The following TRANK1 variants were observed in gnomAD, a reference collection of about 807,000 sequenced individuals.
TRANK1 encodes the protein tetratricopeptide repeat and ankyrin repeat containing 1.
Under a neutral mutation model 266.0 loss-of-function variants are expected in TRANK1, and 198 were observed. The ratio of observed to expected loss-of-function variants is 0.74; its 90% CI spans 0.66 to 0.84. The LOEUF (loss-of-function observed/expected upper bound fraction) is 0.84, where lower values mean the gene tolerates loss of function less well. Among genes scored for constraint, TRANK1 ranks in the 40% least tolerant of loss-of-function variants. TRANK1 has a pLI of 0.00. For synonymous variants in TRANK1, 1,396 were observed against 1,384.1 expected, an observed-to-expected ratio of 1.01 and a Z score of -0.19; for missense variants, 3,326 against 3,634.6, an observed-to-expected ratio of 0.92 and a Z score of 2.18.
intron 4 of TRANK1, 90 bp downstream of exon 4, chr3:36,899,019 G>GA: frequency 2.2e-6 from 3 of 1,375,284 alleles, no homozygotes; most frequent in Non-Finnish European, 2.9e-6. Flanking sequence ...GAAACACCCA[G>GA]AAAGTATCTC....
chr3:36,920,249 A>T (rs1265737976), intron 1 of TRANK1, among the ~76,000 whole-genome samples: 1 of 152,218 alleles, frequency 6.6e-6, no homozygotes, highest in African/African-American at 2.4e-5. Context: ...ACAGTTAATG[A>T]TATTTATAAT....
rs188400522 is a variant in TRANK1, at chr3:36,853,848, G to A, written c.4549+1325C>T. On this transcript the variant is annotated intron_variant, in intron 13 of 23. Coordinates refer to ENST00000645898, the MANE Select transcript of TRANK1 (RefSeq NM_001329998.2). ...AGAAACAGAAAGATGAGTTGTCACC[G>A]TGGAGTGGGAAGAAGGACACAATGA... Among the ~76,000 whole-genome samples the A allele has an allele frequency of 1.8e-4, 28 of 152,324 alleles. No homozygotes were observed. The East Asian group carries it at 3.5e-3, about 19-fold the overall frequency.
chr3:36,936,192 A>G (rs2080423080), intron 1 of TRANK1, among the ~76,000 whole-genome samples: 1 of 152,208 alleles, frequency 6.6e-6, no homozygotes, highest in African/African-American at 2.4e-5. Context: ...GCACGCACAA[A>G]AAAAGAAAAG....
intron 1 of TRANK1, 166 bp from the exon 2 acceptor site, chr3:36,908,620 GTGTC>G (rs777103015): frequency 7.3e-6 from 9 of 1,229,018 alleles, no homozygotes; most frequent in Non-Finnish European, 9.1e-6. Context: ...ACCAGGCAGA[GTGTC>G]TGACAAGACT....
chr3:36,940,785 C>T (rs1372825244), intron 1 of TRANK1, among the ~76,000 whole-genome samples: 2 of 152,070 alleles, frequency 1.3e-5, no homozygotes, highest in Non-Finnish European at 2.9e-5. Flanking sequence ...CAATATGGAC[C>T]CTTGGATATA....
intron 3 of TRANK1, among the ~76,000 whole-genome samples, chr3:36,900,452 T>C (rs2079858397): frequency 6.6e-6 from 1 of 152,086 alleles, no homozygotes; most frequent in African/African-American, 2.4e-5. Flanking sequence ...CAATGATCAA[T>C]AGAAGAAAAT....
intron 2 of TRANK1, among the ~76,000 whole-genome samples, chr3:36,906,476 T>G (rs996228872): frequency 6.6e-6 from 1 of 152,164 alleles, no homozygotes; most frequent in Non-Finnish European, 1.5e-5. Context: ...TACTGTTCTT[T>G]TTATGGAAAA....
At chr3:36,861,241 T>C (rs551740893) in intron 10 of TRANK1, 81 bp from the exon 11 acceptor site, 28 of 1,444,594 alleles carry the variant, frequency 1.9e-5, no homozygotes, top group Non-Finnish European at 2.3e-5. Flanking sequence ...CCAACATCCA[T>C]ATATAATTAA....
rs760897253 is a variant in TRANK1 at position 36,855,583 on chromosome 3, C to T, written c.4139G>A (p.Arg1380Gln). The T allele has an allele frequency of 3.1e-6, 5 of 1,613,642 alleles. No individual in the cohort carries two copies. Among genetic ancestry groups the T allele is most frequent in the Admixed American group, 1.7e-5 (1 of 59,978 alleles). The change falls in exon 13 of 24, where the codon CGG becomes CAG. Residue 1380 changes from arginine to glutamine, a missense_variant. Coordinates refer to ENST00000645898, the MANE Select transcript of TRANK1 (RefSeq NM_001329998.2). ...EEVYKKLGRK[R>Q]CPNFKEDRSE... ...CCGGTCTTCCTTGAAATTGGGGCAC[C>T]GTTTCCTCCCTAATTTCTTATATAC...
At position 36,889,872 on chromosome 3, in the gene TRANK1, G is replaced by A. The variant is rs966838753; in HGVS notation, c.864C>T (p.Val288=). The change falls in exon 8 of 24, where the codon GTC becomes GTT. Residue 288 remains valine, a synonymous_variant. Transcript: ENST00000645898. ...INQKDGDGCT[V]LHVVAAHSPG... ...GGGAGTGGGCAGCGACGACGTGCAGGACAGTGCAGCCATCCCCATCCTTCT... is the reference window on the plus strand; with the variant it reads ...GGGAGTGGGCAGCGACGACGTGCAGAACAGTGCAGCCATCCCCATCCTTCT... The A allele has an allele frequency of 2.6e-6, 4 of 1,537,134 alleles. No individual in the cohort carries two copies. The African/African-American group carries it at 5.5e-5, about 21-fold the overall frequency.
In TRANK1 at chr3:36,856,824, C is replaced by G; in HGVS notation, c.2898G>C (p.Leu966Phe). Residue 966 changes from leucine (L) to phenylalanine (F), a missense_variant, in exon 13 of 24, where the codon TTG (leucine) becomes TTC (phenylalanine). Transcript: ENST00000645898. ...TCAGCTTCTTCCGCAGGACACAGGA[C>G]AAGCCCCGGTTGTAGGCATTGCAGA... ...KAICNAYNRG[L>F]SCVLRKKLKG... 6.2e-7 allele frequency: 1 copy of G among 1,614,040 alleles called. No homozygotes were observed. Among genetic ancestry groups the G allele is most frequent in the Non-Finnish European group, 8.5e-7 (1 of 1,179,900 alleles).
chr3:36,831,725 C>T lies in TRANK1; in HGVS notation c.7858G>A (p.Val2620Met), dbSNP rs2078696903. 2 of 1,613,854 alleles carry T rather than the reference C, an allele frequency of 1.2e-6. No homozygotes were observed. Among genetic ancestry groups the T allele is most frequent in the Non-Finnish European group, 1.7e-6 (2 of 1,179,886 alleles). ...GCCACAGACTTCACATTGACTGCCA[C>T]CAAGACCCGCTTCACCACCTTCAGG... The part of the protein sequence containing the change: ...RLLKVVKRVL[V>M]AVNVKSVAEA... The change falls in exon 22 of 24, where the codon GTG (valine) becomes ATG (methionine). Residue 2620 changes from valine (V) to methionine (M), a missense_variant. Val to Met is a conservative substitution (Grantham distance 21). Transcript: ENST00000645898. The surrounding 1 kb of genome is among the most constrained non-coding windows in gnomAD (Gnocchi z 5.0).
intron 4 of TRANK1, among the ~76,000 whole-genome samples, chr3:36,897,259 T>C (rs1423148792): frequency 1.3e-5 from 2 of 151,978 alleles, no homozygotes; most frequent in African/African-American, 2.4e-5. Flanking sequence ...GAGCCTAGAT[T>C]GCGCCACTGC....
chr3:36,846,027 C>T (rs942163133), intron 17 of TRANK1, among the ~76,000 whole-genome samples: 2 of 152,164 alleles, frequency 1.3e-5, no homozygotes, highest in Non-Finnish European at 1.5e-5. Flanking sequence ...TTTTAAAGGA[C>T]AAATAAAAGA....
At chr3:36,894,679 C>G (rs1008464958) in intron 5 of TRANK1, among the ~76,000 whole-genome samples, 1 of 152,176 alleles carries the variant, frequency 6.6e-6, no homozygotes, top group African/African-American at 2.4e-5. Context: ...AGATTTCATT[C>G]GATTTCCAAC....
In TRANK1 at chr3:36,879,703, A is replaced by AATATAAAT. The variant is rs1291633637; in HGVS notation, c.908-5415_908-5408dup. 3.7e-4 allele frequency among the ~76,000 whole-genome samples: 22 copies of AATATAAAT among 59,888 alleles called. 4 individuals are homozygous for AATATAAAT. The East Asian group carries it at 4.8e-3, about 13-fold the overall frequency. 39.3% of individuals were successfully genotyped at this position (59,888 alleles called of 152,430 possible). A position where few individuals can be genotyped will look rare whatever the true frequency, so the allele number is the denominator to read the frequency against. Reference sequence around the variant, plus strand: ...ATAAATATATAAATATATAAATATAAATATAAATATATAAATATATAAATA... The same window carrying AATATAAAT: ...ATAAATATATAAATATATAAATATAAATATAAATATATAAATATATAAATATATAAATA... On this transcript the variant is annotated intron_variant, in intron 8 of 23. Transcript: ENST00000645898.
chr3:36,830,425 C>A (rs2078677700), intron 22 of TRANK1, among the ~76,000 whole-genome samples: 1 of 152,136 alleles, frequency 6.6e-6, no homozygotes, highest in African/African-American at 2.4e-5. Context: ...AAGAGACCAG[C>A]TAGACCAGCT....
chr3:36,931,097 A>G (rs528532147), intron 1 of TRANK1, among the ~76,000 whole-genome samples: 1 of 152,312 alleles, frequency 6.6e-6, no homozygotes, highest in African/African-American at 2.4e-5. Flanking sequence ...TACTTCTGGG[A>G]ATGGATCTTA....
intron 20 of TRANK1, among the ~76,000 whole-genome samples, chr3:36,837,592 T>C (rs2078787477): frequency 6.6e-6 from 1 of 152,244 alleles, no homozygotes; most frequent in East Asian, 1.9e-4. Flanking sequence ...CAAATCATTT[T>C]AAATTTCCGA....
Sources: allele counts gnomAD v4.1 joint callset (sites outside exome capture counted in the v4.1 genomes callset), GRCh38; gene constraint gnomAD v4.1.1; non-coding constraint Gnocchi (gnomAD v3.1); transcripts MANE v1.5; gene names NCBI Gene and HGNC (gene_info 2026-07-23, HGNC 2026-07-21).